The following ASIC2 variants were observed in gnomAD, a reference collection of about 807,000 sequenced individuals.
ASIC2 encodes the protein acid sensing ion channel subunit 2.
In ASIC2, 25 loss-of-function variants were observed where a neutral mutation model predicts 57.3. The observed-to-expected ratio is 0.44, with a 90% CI of 0.32 to 0.61. The LOEUF (loss-of-function observed/expected upper bound fraction) is 0.61. Among genes scored for constraint, ASIC2 ranks in the 20% least tolerant of loss-of-function variants. The pLI, the probability that ASIC2 is intolerant of heterozygous loss-of-function variation, is 0.06. For synonymous variants in ASIC2, 319 were observed against 307.5 expected (o/e 1.04, Z -0.39); for missense variants, 641 against 738.1 (o/e 0.87, Z 1.52).
chr17:33,074,780 C>T (rs1370994282), intron 3 of ASIC2, among the ~76,000 whole-genome samples: 1 of 152,122 alleles, frequency 6.6e-6, no homozygotes, highest in Non-Finnish European at 1.5e-5. Context: ...TCATTGCTAC[C>T]TAATTAGATT....
intron 1 of ASIC2, among the ~76,000 whole-genome samples, chr17:33,578,705 T>C (rs750151172): frequency 4.6e-5 from 7 of 152,202 alleles, no homozygotes; most frequent in Non-Finnish European, 1.0e-4. Context: ...ACTCTACAAC[T>C]GACCCGGCTT....
At chr17:33,972,450 C>T in intron 1 of ASIC2, among the ~76,000 whole-genome samples, 1 of 152,156 alleles carries the variant, frequency 6.6e-6, no homozygotes, top group South Asian at 2.1e-4. Context: ...CCAGTGATCT[C>T]TAGGCTTAGA....
rs528173382 is a variant in ASIC2, at chr17:33,756,380, T to A, written c.555+399598A>T. 3.3e-5 allele frequency among the ~76,000 whole-genome samples: 5 copies of A among 152,360 alleles called. No homozygotes were observed. The East Asian group carries it at 5.8e-4, about 18-fold the overall frequency. On this transcript the variant is annotated intron_variant, in intron 1 of 9. Transcript: ENST00000359872. The stretch of plus-strand genomic sequence containing the variant: ...CAGATGCTCCTTATCACCAGAAAGT[T>A]GTTGGGCCTGCAGCTTTAGGATTAA...
chr17:34,021,837 G>GTTT (rs11394863), intron 1 of ASIC2, among the ~76,000 whole-genome samples: 43 of 118,318 alleles, frequency 3.6e-4, no homozygotes, highest in African/African-American at 7.1e-4. Context: ...GTTTTGTTTT[G>GTTT]TTTTTTTTTT....
intron 1 of ASIC2, among the ~76,000 whole-genome samples, chr17:33,322,749 CA>C (rs1295113980): frequency 2.6e-5 from 4 of 151,752 alleles, no homozygotes; most frequent in African/African-American, 9.7e-5. Context: ...GCAGGAAGAG[CA>C]GAGGGAGCAA....
chr17:33,465,625 T>C (rs150088853), intron 1 of ASIC2, among the ~76,000 whole-genome samples: 2,803 of 152,218 alleles, frequency 0.018, 89 homozygotes, highest in African/African-American at 0.063. Flanking sequence ...CCACCCACCT[T>C]GGCCTCCCAA....
At chr17:33,074,745 G>A (rs1271788291) in intron 3 of ASIC2, among the ~76,000 whole-genome samples, 1 of 152,180 alleles carries the variant, frequency 6.6e-6, no homozygotes, top group Non-Finnish European at 1.5e-5. Context: ...TGCTCCAGTT[G>A]TATTTTCTGT....
chr17:33,466,192 A>G (rs1295935731), intron 1 of ASIC2, among the ~76,000 whole-genome samples: 3 of 152,244 alleles, frequency 2.0e-5, no homozygotes, highest in Admixed American at 2.0e-4. Context: ...TTATACACCA[A>G]TAACAGACAA....
At chr17:33,418,028 A>ATG (rs1161141315) in intron 1 of ASIC2, among the ~76,000 whole-genome samples, 1,493 of 67,652 alleles carry the variant, frequency 0.022, 16 homozygotes, top group Admixed American at 0.038. Context: ...GCATGTATGT[A>ATG]TGTGTGTGTG....
intron 1 of ASIC2, among the ~76,000 whole-genome samples, chr17:34,099,102 AAGAGAGAGAGAGAG>A (rs74200841): frequency 2.3e-4 from 19 of 81,262 alleles, no homozygotes; most frequent in Admixed American, 4.3e-4. Context: ...TAAGAGAGAA[AAGAGAGAGAGAGAG>A]AGAGAGAGAG....
Position 33,187,456 on chromosome 17 carries a change from C to G in ASIC2, c.709-75389G>C, listed in dbSNP as rs182979173. Among the ~76,000 whole-genome samples, 530 of 152,198 alleles carry G rather than the reference C, an allele frequency of 3.5e-3. 5 individuals are homozygous for G. Among genetic ancestry groups the G allele is most frequent in the African/African-American group, 0.012 (497 of 41,528 alleles). On this transcript the variant is annotated intron_variant, in intron 1 of 9. Transcript: ENST00000225823. ...TTTTTACACTATAGGAACAAACAAG[C>G]TTATTTCTCATTGGCAAAAAAATGT... is the stretch of plus-strand genomic sequence containing the variant.
intron 3 of ASIC2, among the ~76,000 whole-genome samples, chr17:33,068,258 G>GGAT (rs1193473760): frequency 5.9e-5 from 9 of 152,184 alleles, no homozygotes; most frequent in Non-Finnish European, 4.4e-5. Flanking sequence ...GAGCAAGCCA[G>GGAT]GATGGTTGGT....
intron 1 of ASIC2, among the ~76,000 whole-genome samples, chr17:33,150,699 A>T (rs1453407728): frequency 1.6e-5 from 2 of 129,016 alleles, no homozygotes; most frequent in African/African-American, 6.3e-5. Flanking sequence ...AAATACAAAA[A>T]ATTAGCCGGG....
intron 1 of ASIC2, among the ~76,000 whole-genome samples, chr17:33,943,668 C>G (rs369248672): frequency 7.1e-6 from 1 of 140,938 alleles, no homozygotes; most frequent in East Asian, 2.1e-4. Flanking sequence ...GAGAAAGAAG[C>G]CAACATTCAT....
chr17:34,128,427 C>T (rs1346461736), intron 1 of ASIC2, among the ~76,000 whole-genome samples: 1 of 152,128 alleles, frequency 6.6e-6, no homozygotes, highest in East Asian at 1.9e-4. Flanking sequence ...CTGCCTTGGG[C>T]CACCCGCTGC....
At chr17:33,843,829 T>C (rs1208825672) in intron 1 of ASIC2, among the ~76,000 whole-genome samples, 2 of 152,208 alleles carry the variant, frequency 1.3e-5, no homozygotes, top group Non-Finnish European at 2.9e-5. Flanking sequence ...AAGCTTACAA[T>C]GAATGCCAAT....
intron 1 of ASIC2, among the ~76,000 whole-genome samples, chr17:33,251,179 T>C (rs1908868599): frequency 3.9e-5 from 6 of 152,182 alleles, no homozygotes; most frequent in Admixed American, 3.9e-4. Flanking sequence ...AATCTCAAAA[T>C]TATAACTTTT....
intron 3 of ASIC2, among the ~76,000 whole-genome samples, chr17:33,041,945 C>A (rs986202843): frequency 3.3e-5 from 5 of 152,142 alleles, no homozygotes; most frequent in African/African-American, 1.2e-4. Context: ...TAACCTTGTG[C>A]CTTGTCAGCT....
chr17:34,132,215 C>T (rs9914385), intron 1 of ASIC2, among the ~76,000 whole-genome samples: 21,742 of 152,062 alleles, frequency 0.14, 1,953 homozygotes, highest in African/African-American at 0.26. Context: ...TGGTTCCTCC[C>T]GGTAAGTTCG....
Sources: allele counts gnomAD v4.1 joint callset (sites outside exome capture counted in the v4.1 genomes callset), GRCh38; gene constraint gnomAD v4.1.1; transcripts MANE v1.5; gene names NCBI Gene and HGNC (gene_info 2026-07-23, HGNC 2026-07-21).